The following MACROD2 variants were observed in gnomAD, a reference collection of about 807,000 sequenced individuals.
The protein encoded by MACROD2 is ADP-ribose glycohydrolase MACROD2.
MACROD2 carries 36 observed loss-of-function variants against 70.4 expected under a neutral mutation model. The observed-to-expected ratio is 0.51, with a 90% CI of 0.39 to 0.68. The LOEUF is 0.68. MACROD2 is among the 30% of genes least tolerant of loss of function. MACROD2 has a pLI of 0.00. For missense variants in MACROD2, 496 were observed against 538.4 expected (o/e 0.92, Z 0.78); for synonymous variants, 172 against 178.8 (o/e 0.96, Z 0.30).
chr20:15,405,795 G>T (rs941223583), intron 6 of MACROD2, among the ~76,000 whole-genome samples: 3 of 152,098 alleles, frequency 2.0e-5, no homozygotes, highest in African/African-American at 7.2e-5. Context: ...ATTCTCCTTT[G>T]CAACAGCTTT....
chr20:14,217,889 T>A (rs1247163945), intron 3 of MACROD2, among the ~76,000 whole-genome samples: 1 of 152,126 alleles, frequency 6.6e-6, no homozygotes, highest in Admixed American at 6.6e-5. Context: ...GTTATTTGGA[T>A]TTTCTCTCTT....
At chr20:14,027,508 G>A (rs905073823) in intron 2 of MACROD2, among the ~76,000 whole-genome samples, 8 of 152,090 alleles carry the variant, frequency 5.3e-5, no homozygotes, top group African/African-American at 1.9e-4. Context: ...CCTTGCTGAC[G>A]AGGAGTTGTG....
At chr20:15,027,421 G>A (rs955497708) in intron 5 of MACROD2, among the ~76,000 whole-genome samples, 1 of 152,140 alleles carries the variant, frequency 6.6e-6, no homozygotes, top group Non-Finnish European at 1.5e-5. Context: ...GTGGCGATAT[G>A]AGTGTGTGGT....
intron 8 of MACROD2, among the ~76,000 whole-genome samples, chr20:15,714,820 CATG>C (rs2050684317): frequency 6.6e-6 from 1 of 152,080 alleles, no homozygotes; most frequent in Admixed American, 6.6e-5. Flanking sequence ...CATATATAAA[CATG>C]ATATAGATAT....
intron 8 of MACROD2, among the ~76,000 whole-genome samples, chr20:15,612,553 G>A (rs1414586169): frequency 2.6e-5 from 4 of 152,174 alleles, no homozygotes; most frequent in Non-Finnish European, 5.9e-5. Flanking sequence ...CATAGGACAC[G>A]TAGCAAAATA....
chr20:14,235,252 A>T (rs1162320440), intron 3 of MACROD2, among the ~76,000 whole-genome samples: 1 of 152,234 alleles, frequency 6.6e-6, no homozygotes, highest in Non-Finnish European at 1.5e-5. Flanking sequence ...TTATAGTAGA[A>T]AATATTTCAA....
intron 2 of MACROD2, among the ~76,000 whole-genome samples, chr20:14,068,223 TC>T (rs956550914): frequency 3.9e-5 from 6 of 152,276 alleles, no homozygotes; most frequent in South Asian, 4.1e-4. Flanking sequence ...TCATGAAGCT[TC>T]CTTGGATAAA....
intron 3 of MACROD2, among the ~76,000 whole-genome samples, chr20:14,400,704 C>G (rs992065853): frequency 2.0e-5 from 3 of 152,142 alleles, no homozygotes; most frequent in Admixed American, 2.0e-4. Context: ...GCTTTTCTCT[C>G]AGGGATCACT....
chr20:15,573,009 A>G (rs1032508286), intron 8 of MACROD2, among the ~76,000 whole-genome samples: 5 of 152,190 alleles, frequency 3.3e-5, no homozygotes, highest in African/African-American at 9.6e-5. Context: ...TGAAAACCAC[A>G]AGAGTACTTT....
At position 14,609,392 on chromosome 20, in the gene MACROD2, T is replaced by C. The variant is rs533911189; in HGVS notation, c.302-75451T>C. Among the ~76,000 whole-genome samples, 123 of 152,200 alleles carry C rather than the reference T, an allele frequency of 8.1e-4. 1 individual carries two copies. The highest frequency in any genetic ancestry group is 2.4e-4 in the Non-Finnish European group (16 of 67,986). On this transcript the variant is annotated intron_variant, in intron 4 of 17. Coordinates refer to ENST00000684519, the MANE Select transcript of MACROD2 (RefSeq NM_001351661.2). ...ACAAATGGGAAGGTTATGCTGCCAC[T>C]TACTGAGGAGGGGAAGACTTATTAG... is the stretch of plus-strand genomic sequence containing the variant.
At chr20:15,927,346 G>C (rs1030067567) in intron 10 of MACROD2, among the ~76,000 whole-genome samples, 1 of 152,160 alleles carries the variant, frequency 6.6e-6, no homozygotes, top group Non-Finnish European at 1.5e-5. Context: ...TCTCTGCAGA[G>C]GGCTTATGGC....
chr20:14,453,454 A>G (rs1033345510), intron 3 of MACROD2, among the ~76,000 whole-genome samples: 5 of 152,058 alleles, frequency 3.3e-5, no homozygotes, highest in African/African-American at 1.2e-4. Context: ...TCATCTGACT[A>G]TATAAGCAGT....
intron 8 of MACROD2, among the ~76,000 whole-genome samples, chr20:15,826,777 G>A (rs531071487): frequency 3.9e-5 from 6 of 152,262 alleles, no homozygotes; most frequent in South Asian, 4.1e-4. Context: ...ATAATGTGAC[G>A]TGAAGCTTAT....
intron 8 of MACROD2, among the ~76,000 whole-genome samples, chr20:15,716,841 G>T (rs2050714855): frequency 6.6e-6 from 1 of 152,178 alleles, no homozygotes; most frequent in Non-Finnish European, 1.5e-5. Context: ...GGCTGGGAAT[G>T]AAAGATACTG....
intron 5 of MACROD2, among the ~76,000 whole-genome samples, chr20:14,821,415 A>C (rs1181717703): frequency 6.6e-6 from 1 of 152,016 alleles, no homozygotes; most frequent in Non-Finnish European, 1.5e-5. Flanking sequence ...TGGAGAGCTT[A>C]CCAAAAAAAA....
rs148576562 is a variant in MACROD2, at chr20:14,241,110, C to T, written c.271+155382C>T. Among the ~76,000 whole-genome samples the T allele has an allele frequency of 2.5e-3, 374 of 151,356 alleles. 11 individuals carry two copies. In the East Asian group the frequency reaches 0.055, roughly 22 times the overall value. On this transcript the variant is annotated intron_variant, in intron 3 of 17. Transcript: ENST00000684519. ...CAGCCTGGGTGACAGAGTGAGACTC[C>T]GTCTCAAAAAAAAAAAGTTTTTAAG...
At chr20:15,691,822 C>A (rs771832708) in intron 8 of MACROD2, among the ~76,000 whole-genome samples, 1 of 152,128 alleles carries the variant, frequency 6.6e-6, no homozygotes, top group Non-Finnish European at 1.5e-5. Flanking sequence ...ACCGCTTTAT[C>A]CTATGTCATT....
At chr20:14,763,215 C>T (rs2072040406) in intron 5 of MACROD2, among the ~76,000 whole-genome samples, 1 of 124,690 alleles carries the variant, frequency 8.0e-6, no homozygotes, top group African/African-American at 2.5e-5. Flanking sequence ...AAGTTACCAC[C>T]TCACCAGGCC....
At chr20:14,356,387 A>C (rs554368752) in intron 3 of MACROD2, among the ~76,000 whole-genome samples, 1 of 152,274 alleles carries the variant, frequency 6.6e-6, no homozygotes. Context: ...TGGTGCCCTA[A>C]AATAACATGA....
Sources: allele counts gnomAD v4.1 joint callset (sites outside exome capture counted in the v4.1 genomes callset), GRCh38; gene constraint gnomAD v4.1.1; transcripts MANE v1.5; gene names NCBI Gene and HGNC (gene_info 2026-07-23, HGNC 2026-07-21).